Variants in CSMD1 observed in about 807,000 individuals in gnomAD.
CSMD1 encodes the protein CUB and Sushi multiple domains 1.
A neutral mutation model predicts 417.5 loss-of-function variants in CSMD1; 213 were observed. The ratio of observed to expected loss-of-function variants is 0.51; its 90% CI spans 0.46 to 0.57. The LOEUF is 0.57. CSMD1 is among the 20% of genes least tolerant of loss of function. CSMD1 has a pLI of 0.00. For missense variants in CSMD1, 6,923 were observed against 4,529.7 expected (o/e 1.53, Z -15.17); for synonymous variants, 2,862 against 1,736.8 (o/e 1.65, Z -16.11).
intron 6 of CSMD1, among the ~76,000 whole-genome samples, chr8:3,728,470 C>T (rs569844053): frequency 1.6e-4 from 24 of 152,264 alleles, no homozygotes; most frequent in African/African-American, 3.4e-4. Context: ...TTAGGTTTAT[C>T]GTAACAGAGT....
At chr8:4,831,667 T>A (rs1319768223) in intron 1 of CSMD1, among the ~76,000 whole-genome samples, 6 of 152,204 alleles carry the variant, frequency 3.9e-5, no homozygotes, top group Admixed American at 1.3e-4. Flanking sequence ...ACTCTGATTT[T>A]TGTTCATACT....
chr8:4,384,995 C>A (rs1252728442), intron 3 of CSMD1, among the ~76,000 whole-genome samples: 2 of 152,134 alleles, frequency 1.3e-5, no homozygotes, highest in South Asian at 4.2e-4. Context: ...ATCTCGATCT[C>A]GGCTCAATGC....
rs1305466249 is a variant in CSMD1, at chr8:3,201,694, T to C, written c.5016A>G (p.Thr1672=). Residue 1672 remains threonine, a synonymous_variant, in exon 32 of 70, where the codon ACA becomes ACG. Coordinates refer to ENST00000635120, the MANE Select transcript of CSMD1 (RefSeq NM_033225.6). ...ATAATTCTGCCAAATCATTCAGGGC[T>C]GTCTGGAAATAGGCAAACTGTCCAA... is the stretch of plus-strand genomic sequence containing the variant. The part of the protein sequence containing the change: ...VVFGQFAYFQ[T]ALNDLAELFD... The C allele has an allele frequency of 6.2e-7, 1 of 1,603,742 alleles. No homozygotes were observed. Among genetic ancestry groups the C allele is most frequent in the Admixed American group, 1.7e-5 (1 of 58,752 alleles).
At chr8:4,094,287 G>A (rs1255166022) in intron 3 of CSMD1, among the ~76,000 whole-genome samples, 1 of 152,094 alleles carries the variant, frequency 6.6e-6, no homozygotes, top group African/African-American at 2.4e-5. Context: ...GAGGCGGTAG[G>A]GAACAAGGAG....
At chr8:3,231,093 C>G (rs1471290099) in intron 26 of CSMD1, among the ~76,000 whole-genome samples, 2 of 152,170 alleles carry the variant, frequency 1.3e-5, no homozygotes, top group Non-Finnish European at 2.9e-5. Context: ...CCAGAGTTTT[C>G]ACCAGAGTAT....
chr8:3,025,712 C>T (rs1331989009), intron 51 of CSMD1, among the ~76,000 whole-genome samples: 1 of 152,142 alleles, frequency 6.6e-6, no homozygotes, highest in African/African-American at 2.4e-5. Context: ...CTGTATTAAG[C>T]CACACATTAA....
At chr8:4,898,396 G>C (rs1219990868) in intron 1 of CSMD1, among the ~76,000 whole-genome samples, 1 of 151,452 alleles carries the variant, frequency 6.6e-6, no homozygotes, top group Non-Finnish European at 1.5e-5. Context: ...TCAAGTACTA[G>C]CAATTCAGGC....
In CSMD1 at chr8:3,781,174, T is replaced by C. The variant is rs541788440; in HGVS notation, c.819-27132A>G. Among the ~76,000 whole-genome samples the C allele has an allele frequency of 1.7e-4, 26 of 152,314 alleles. No individual in the cohort carries two copies. In the East Asian group the frequency reaches 5.0e-3, roughly 29 times the overall value. On this transcript the variant is annotated intron_variant, in intron 5 of 69. Transcript: ENST00000635120. The stretch of plus-strand genomic sequence containing the variant: ...GTCCAAACAAGACAAAGATTGGTGA[T>C]TATTTAACTCACAGTACAAAGTGAT...
rs555727328 is a variant in CSMD1 at position 3,089,149 on chromosome 8, G to A, written c.7286-1864C>T. Among the ~76,000 whole-genome samples the A allele has an allele frequency of 1.3e-3, 198 of 152,292 alleles. 1 individual carries two copies. The highest frequency in any genetic ancestry group is 0.01 in the Middle Eastern group (3 of 294). On this transcript the variant is annotated intron_variant, in intron 48 of 69. Transcript: ENST00000635120. ...CCTGCCAGCCCAACTCCTGCTGCAG[G>A]AAGAGGAATTCAGAGGAGCAGGGCC... is the stretch of plus-strand genomic sequence containing the variant.
At chr8:4,633,682 G>C (rs964548001) in intron 2 of CSMD1, among the ~76,000 whole-genome samples, 1 of 151,992 alleles carries the variant, frequency 6.6e-6, no homozygotes. Context: ...TCAGCCTCCC[G>C]AGTAGCTGGA....
At chr8:3,369,965 G>C (rs543386737) in intron 18 of CSMD1, among the ~76,000 whole-genome samples, 9 of 152,182 alleles carry the variant, frequency 5.9e-5, no homozygotes, top group Non-Finnish European at 1.0e-4. Context: ...CTTGAAAATA[G>C]AAATTATGAT....
chr8:4,564,587 A>T (rs1348759194), intron 2 of CSMD1, among the ~76,000 whole-genome samples: 1 of 152,238 alleles, frequency 6.6e-6, no homozygotes, highest in African/African-American at 2.4e-5. Context: ...CAATACAGAG[A>T]AAAGTAAGCA....
chr8:3,350,284 AT>A (rs1808331214), intron 21 of CSMD1, among the ~76,000 whole-genome samples: 1 of 147,800 alleles, frequency 6.8e-6, no homozygotes, highest in Non-Finnish European at 1.5e-5. Context: ...TAACTTGTGT[AT>A]GTGTGTGTTA....
At position 4,483,173 on chromosome 8, in the gene CSMD1, AT is replaced by A. The variant is rs890298359; in HGVS notation, c.303-63109del. 9.9e-5 allele frequency among the ~76,000 whole-genome samples: 15 copies of A among 152,208 alleles called. No individual in the cohort carries two copies. In the East Asian group the frequency reaches 2.7e-3, roughly 28 times the overall value. The stretch of plus-strand genomic sequence containing the variant: ...CCGATGGTTTGATAAGGGGTAATCC[AT>A]TTCACTTGGTTCTCATTCTCTCTCT... On this transcript the variant is annotated intron_variant, in intron 2 of 69. Coordinates refer to ENST00000635120, the MANE Select transcript of CSMD1 (RefSeq NM_033225.6).
At chr8:4,828,527 G>C (rs1443935201) in intron 1 of CSMD1, among the ~76,000 whole-genome samples, 1 of 152,044 alleles carries the variant, frequency 6.6e-6, no homozygotes, top group Non-Finnish European at 1.5e-5. Flanking sequence ...GTCCTTTATT[G>C]CCTGAGCCAT....
At chr8:3,774,621 C>G (rs112218395) in intron 5 of CSMD1, among the ~76,000 whole-genome samples, 1 of 152,272 alleles carries the variant, frequency 6.6e-6, no homozygotes, top group African/African-American at 2.4e-5. Flanking sequence ...GTTTCAAATT[C>G]TCACTATCTT....
At chr8:3,077,093 T>G (rs1182741392) in intron 49 of CSMD1, among the ~76,000 whole-genome samples, 1 of 152,120 alleles carries the variant, frequency 6.6e-6, no homozygotes, top group Non-Finnish European at 1.5e-5. Flanking sequence ...GCTCATTAGG[T>G]GCCTGCACGT....
chr8:2,990,456 C>T (rs1806280174), intron 54 of CSMD1, among the ~76,000 whole-genome samples: 1 of 152,162 alleles, frequency 6.6e-6, no homozygotes, highest in Non-Finnish European at 1.5e-5. Context: ...CTAAACCCAT[C>T]CCCCATTTTC....
intron 10 of CSMD1, among the ~76,000 whole-genome samples, chr8:3,572,450 G>C (rs1799985276): frequency 6.6e-6 from 1 of 152,108 alleles, no homozygotes; most frequent in African/African-American, 2.4e-5. Context: ...TGATTGCTGT[G>C]TTTCTCCTGC....
Sources: gnomAD v4.1 joint callset for allele counts (sites outside exome capture counted in the v4.1 genomes callset) on GRCh38, gnomAD v4.1.1 for gene constraint, MANE v1.5 for transcripts, NCBI Gene and HGNC (gene_info 2026-07-23, HGNC 2026-07-21) for gene names.